Variants in ABL1 observed in about 807,000 individuals in gnomAD.
The protein encoded by ABL1 is ABL proto-oncogene 1, non-receptor tyrosine kinase.
A neutral mutation model predicts 94.7 loss-of-function variants in ABL1; 11 were observed. The observed-to-expected ratio is 0.12, with a 90% CI of 0.07 to 0.19. The LOEUF is 0.19. Among genes scored for constraint, ABL1 ranks in the 10% least tolerant of loss-of-function variants. The pLI is 1.00. For synonymous variants in ABL1, 656 were observed against 622.4 expected (o/e 1.05, Z -0.80); for missense variants, 1,082 against 1,489.4 (o/e 0.73, Z 4.50).
intron 1 of ABL1, among the ~76,000 whole-genome samples, chr9:130,755,471 C>T (rs1416147376): frequency 6.6e-6 from 1 of 152,108 alleles, no homozygotes; most frequent in East Asian, 1.9e-4. Context: ...GTACTCTGTC[C>T]CCTCAGTGCT....
At chr9:130,818,872 G>T (rs1259149312) in intron 1 of ABL1, among the ~76,000 whole-genome samples, 1 of 152,166 alleles carries the variant, frequency 6.6e-6, no homozygotes, top group Non-Finnish European at 1.5e-5. Context: ...CACTATATCT[G>T]CATTTCCAAT....
At chr9:130,757,536 C>CTTTTTT (rs11411714) in intron 1 of ABL1, among the ~76,000 whole-genome samples, 4 of 101,886 alleles carry the variant, frequency 3.9e-5, no homozygotes, top group Non-Finnish European at 7.1e-5. Context: ...TACTCCAGGC[C>CTTTTTT]TTTTTTTTTT....
intron 1 of ABL1, among the ~76,000 whole-genome samples, chr9:130,767,436 G>A (rs570006808): frequency 6.5e-4 from 99 of 152,264 alleles, no homozygotes; most frequent in Non-Finnish European, 1.0e-3. Context: ...GGGTTCAAGC[G>A]ATTCTTGTGC....
At chr9:130,738,761 A>T (rs554494232) in intron 1 of ABL1, among the ~76,000 whole-genome samples, 39 of 152,236 alleles carry the variant, frequency 2.6e-4, no homozygotes, top group Non-Finnish European at 5.3e-4. Context: ...GTTTCCAAGA[A>T]CCTATCAATG....
intron 1 of ABL1, among the ~76,000 whole-genome samples, chr9:130,849,238 G>A (rs1350270636): frequency 1.3e-5 from 2 of 152,086 alleles, no homozygotes; most frequent in African/African-American, 4.8e-5. Flanking sequence ...CCTTTTCTGT[G>A]CTGTTGTTTA....
At chr9:130,784,986 C>T (rs1337635620) in intron 1 of ABL1, among the ~76,000 whole-genome samples, 1 of 152,226 alleles carries the variant, frequency 6.6e-6, no homozygotes, top group Non-Finnish European at 1.5e-5. Flanking sequence ...AGTGCCTTCC[C>T]TTCAACCTGA....
intron 1 of ABL1, among the ~76,000 whole-genome samples, chr9:130,792,391 G>A (rs1829921691): frequency 6.6e-6 from 1 of 152,194 alleles, no homozygotes; most frequent in Admixed American, 6.5e-5. Flanking sequence ...GCCAGGGACA[G>A]GATGACTTTA....
chr9:130,717,605 A>T (rs74908080), intron 1 of ABL1, among the ~76,000 whole-genome samples: 4,962 of 151,894 alleles, frequency 0.033, 102 homozygotes, highest in South Asian at 0.084. Flanking sequence ...TGAGCCATGA[A>T]CACAGCACTG....
In ABL1 at chr9:130,880,011, G is replaced by A. The variant is rs796442517; in HGVS notation, c.1424-57G>A. 162 of 1,490,556 alleles carry A rather than the reference G, an allele frequency of 1.1e-4. 4 individuals carry two copies. The South Asian group carries it at 1.7e-3, about 16-fold the overall frequency. 92.3% of individuals were successfully genotyped at this position (1,490,556 alleles called of 1,614,324 possible). A position where few individuals can be genotyped will look rare whatever the true frequency, so the allele number is the denominator to read the frequency against. On this transcript the variant is annotated intron_variant, in intron 8 of 10. Coordinates refer to ENST00000318560, the MANE Select transcript of ABL1 (RefSeq NM_005157.6). The surrounding 1 kb of genome is among the most constrained non-coding windows in gnomAD (Gnocchi z 4.4). ...CTAGACTTTTCCTTGAGAACTGCTA[G>A]CCCCGTATTGCTAGCCAGATCTCAT...
At chr9:130,724,754 A>G (rs1831558112) in intron 1 of ABL1, 1 of 403,186 alleles carries the variant, frequency 2.5e-6, no homozygotes, top group African/African-American at 2.1e-5. Context: ...CTTTAAAAAA[A>G]AAAAAAAAAA....
intron 1 of ABL1, among the ~76,000 whole-genome samples, chr9:130,809,455 G>T (rs1040530580): frequency 1.4e-5 from 2 of 146,928 alleles, no homozygotes; most frequent in Non-Finnish European, 3.0e-5. Flanking sequence ...CACGTGTGAA[G>T]AAATTTATTG....
At chr9:130,756,464 G>A (rs1458525027) in intron 1 of ABL1, among the ~76,000 whole-genome samples, 1 of 151,908 alleles carries the variant, frequency 6.6e-6, no homozygotes, top group South Asian at 2.1e-4. Flanking sequence ...AACATTTTGA[G>A]TCTAAATACA....
intron 1 of ABL1, among the ~76,000 whole-genome samples, chr9:130,796,871 G>A (rs2132819771): frequency 7.4e-6 from 1 of 135,586 alleles, no homozygotes; most frequent in African/African-American, 2.9e-5. Context: ...GGTGAGCTGA[G>A]ATCACGCCAT....
chr9:130,808,239 TTCTTCTTC>T (rs1417618004), intron 1 of ABL1, among the ~76,000 whole-genome samples: 66 of 140,898 alleles, frequency 4.7e-4, no homozygotes, highest in African/African-American at 1.4e-3. Flanking sequence ...CTTCTTCTTC[TTCTTCTTC>T]TTTTTTTTTT....
At chr9:130,833,169 C>T (rs992550319), upstream of ABL1, among the ~76,000 whole-genome samples, 9 of 152,144 alleles carry the variant, frequency 5.9e-5, no homozygotes, top group Non-Finnish European at 1.0e-4. Flanking sequence ...TATTAACAGA[C>T]GGTATTCAAG....
chr9:130,747,417 T>C (rs1831901792), intron 1 of ABL1, among the ~76,000 whole-genome samples: 1 of 151,978 alleles, frequency 6.6e-6, no homozygotes, highest in East Asian at 1.9e-4. Context: ...GTCTTCCTCT[T>C]TTTTTGTTTG....
intron 1 of ABL1, among the ~76,000 whole-genome samples, chr9:130,843,308 G>A (rs1037291262): frequency 3.3e-5 from 5 of 152,168 alleles, no homozygotes; most frequent in Admixed American, 6.5e-5. Context: ...AAGAGAAGAC[G>A]CGGTTGTTCT....
chr9:130,732,818 G>A (rs758219317), intron 1 of ABL1, among the ~76,000 whole-genome samples: 1 of 151,834 alleles, frequency 6.6e-6, no homozygotes. Context: ...CTTCAGAGGA[G>A]CAAAGGCTAG....
intron 1 of ABL1, among the ~76,000 whole-genome samples, chr9:130,839,681 A>G (rs1830640123): frequency 6.6e-6 from 1 of 152,194 alleles, no homozygotes; most frequent in African/African-American, 2.4e-5. Flanking sequence ...TACCTCTAAG[A>G]CAGAGAGACC....
Sources: allele counts gnomAD v4.1 joint callset (sites outside exome capture counted in the v4.1 genomes callset), GRCh38; gene constraint gnomAD v4.1.1; non-coding constraint Gnocchi (gnomAD v3.1); transcripts MANE v1.5; gene names NCBI Gene and HGNC (gene_info 2026-07-23, HGNC 2026-07-21).